TGFBR1: variants seen among roughly 807,000 people sequenced by gnomAD.
The protein encoded by TGFBR1 is transforming growth factor beta receptor 1.
TGFBR1 carries 20 observed loss-of-function variants against 55.1 expected under a neutral mutation model. The ratio of observed to expected loss-of-function variants is 0.36; its 90% CI spans 0.26 to 0.53. TGFBR1 has a LOEUF of 0.53. Among genes scored for constraint, TGFBR1 ranks in the 20% least tolerant of loss-of-function variants. TGFBR1 has a pLI of 0.91. For synonymous variants in TGFBR1, 220 were observed against 214.8 expected (o/e 1.02, Z -0.21); for missense variants, 385 against 617.6 (o/e 0.62, Z 3.99).
chr9:99,111,914 T>C (rs927162658), intron 1 of TGFBR1, among the ~76,000 whole-genome samples: 1 of 152,164 alleles, frequency 6.6e-6, no homozygotes, highest in Non-Finnish European at 1.5e-5. Flanking sequence ...CAGGGACTGC[T>C]TTACAGAGGA....
intron 1 of TGFBR1, among the ~76,000 whole-genome samples, chr9:99,106,697 G>A (rs1361382109): frequency 6.6e-6 from 1 of 152,192 alleles, no homozygotes; most frequent in Admixed American, 6.5e-5. Context: ...AAACCTGTAT[G>A]TCATATATAT....
intron 8 of TGFBR1, 138 bp from the exon 9 acceptor site, chr9:99,149,042 C>A: frequency 1.1e-6 from 1 of 887,228 alleles, no homozygotes; most frequent in Non-Finnish European, 1.7e-6. Flanking sequence ...AATTTCTACT[C>A]ATTTGCTATT....
At chr9:99,134,364 C>T (rs1827354080) in intron 3 of TGFBR1, among the ~76,000 whole-genome samples, 1 of 152,124 alleles carries the variant, frequency 6.6e-6, no homozygotes, top group African/African-American at 2.4e-5. Context: ...AACAGTTGTG[C>T]AAGGAAGACA....
Position 99,113,193 on chromosome 9 carries a change from A to G in TGFBR1, c.97+7891A>G, listed in dbSNP as rs1350717013. ...CTTCAGACAGTGCTGCTTTCTCTGC[A>G]GTAATGCGTTTGATCTTTTGGGAGT... On this transcript the variant is annotated intron_variant, in intron 1 of 8. Coordinates refer to ENST00000374994, the MANE Select transcript of TGFBR1 (RefSeq NM_004612.4). 2.0e-5 allele frequency among the ~76,000 whole-genome samples: 3 copies of G among 152,192 alleles called. No homozygotes were observed. The East Asian group carries it at 5.8e-4, about 29-fold the overall frequency.
At chr9:99,129,254 G>A (rs1333941365) in intron 2 of TGFBR1, among the ~76,000 whole-genome samples, 154 bp downstream of exon 2, 1 of 152,182 alleles carries the variant, frequency 6.6e-6, no homozygotes, top group African/African-American at 2.4e-5. Flanking sequence ...ACTTATAAGA[G>A]TAACCAAGAT....
intron 1 of TGFBR1, among the ~76,000 whole-genome samples, chr9:99,109,930 A>G (rs1826516551): frequency 6.6e-6 from 1 of 152,216 alleles, no homozygotes; most frequent in South Asian, 2.1e-4. Context: ...TTAGGATTAC[A>G]TTTAATGCCA....
chr9:99,106,524 C>T (rs1826419507), intron 1 of TGFBR1, among the ~76,000 whole-genome samples: 1 of 152,190 alleles, frequency 6.6e-6, no homozygotes, highest in Non-Finnish European at 1.5e-5. Flanking sequence ...GATGTAAATG[C>T]ATACACTATT....
At chr9:99,143,136 T>A (rs1827678221) in intron 5 of TGFBR1, among the ~76,000 whole-genome samples, 1 of 152,232 alleles carries the variant, frequency 6.6e-6, no homozygotes, top group East Asian at 1.9e-4. Flanking sequence ...TGAGAACATT[T>A]TATCTTTCAG....
intron 1 of TGFBR1, among the ~76,000 whole-genome samples, chr9:99,105,614 TG>T (rs1390087893): frequency 6.6e-6 from 1 of 151,436 alleles, no homozygotes; most frequent in Non-Finnish European, 1.5e-5. Context: ...GGCTGCCCTC[TG>T]GGGTGTGAGT....
rs531420905 is a variant in TGFBR1, at chr9:99,135,145, G to A, written c.574+2406G>A. 2.0e-5 allele frequency among the ~76,000 whole-genome samples: 3 copies of A among 152,144 alleles called. No homozygotes were observed. In the South Asian group the frequency reaches 6.2e-4, roughly 32 times the overall value. On this transcript the variant is annotated intron_variant, in intron 3 of 8. Coordinates refer to ENST00000374994, the MANE Select transcript of TGFBR1 (RefSeq NM_004612.4). ...TGTTACTCTTATTGAAAACATACTT[G>A]GAGGAAAAATCTAACATACAGTATC...
chr9:99,105,255 T>TGGC lies in TGFBR1; in HGVS notation c.76_78dup (p.Ala26dup), dbSNP rs11466445. ...CGTCCCCGGCTGCTCCTCCTCGTGC[T>TGGC]GGCGGCGGCGGCGGCGGCGGCGGCG... On this transcript the variant is annotated inframe_insertion, in exon 1 of 9. Coordinates refer to ENST00000374994, the MANE Select transcript of TGFBR1 (RefSeq NM_004612.4). The TGGC allele has an allele frequency of 1.3e-3, 1,377 of 1,043,488 alleles. 2 individuals are homozygous for TGGC. Among genetic ancestry groups the TGGC allele is most frequent in the South Asian group, 2.2e-3 (49 of 22,672 alleles). The allele number at this position is 1,043,488 out of a possible 1,614,324, so 64.6% of individuals were successfully genotyped here.
chr9:99,133,222 T>C (rs1827302601), intron 3 of TGFBR1, among the ~76,000 whole-genome samples: 1 of 152,208 alleles, frequency 6.6e-6, no homozygotes, highest in African/African-American at 2.4e-5. Context: ...TATGAAATTG[T>C]CTTTCGTATA....
chr9:99,134,844 AT>A (rs1827382493), intron 3 of TGFBR1, among the ~76,000 whole-genome samples: 1 of 101,166 alleles, frequency 9.9e-6, no homozygotes, highest in Non-Finnish European at 2.1e-5. Flanking sequence ...ATATATATAT[AT>A]ATATATATTT....
At position 99,140,731 on chromosome 9, in the gene TGFBR1, A is replaced by G. The variant is rs762933621; in HGVS notation, c.806-1805A>G. Among the ~76,000 whole-genome samples, 4 of 152,248 alleles carry G rather than the reference A, an allele frequency of 2.6e-5. No homozygotes were observed. In the East Asian group the frequency reaches 7.7e-4, roughly 29 times the overall value. ...AAGTGGTAATTTCTTCCTTAAGAAC[A>G]TAGCCACATTCATGGTTTCAAACTC... On this transcript the variant is annotated intron_variant, in intron 4 of 8. Coordinates refer to ENST00000374994, the MANE Select transcript of TGFBR1 (RefSeq NM_004612.4).
intron 1 of TGFBR1, among the ~76,000 whole-genome samples, chr9:99,120,551 G>A (rs772618362): frequency 2.0e-5 from 3 of 152,142 alleles, no homozygotes; most frequent in Non-Finnish European, 2.9e-5. Context: ...TTAGTAGTAG[G>A]ACCATTCCCT....
intron 2 of TGFBR1, among the ~76,000 whole-genome samples, chr9:99,131,179 A>G (rs537427370): frequency 5.5e-4 from 84 of 152,312 alleles, no homozygotes; most frequent in African/African-American, 2.0e-3. Flanking sequence ...TAAGCATTTA[A>G]CACACATAAA....
chr9:99,110,043 T>G (rs1199432934), intron 1 of TGFBR1, among the ~76,000 whole-genome samples: 2 of 152,216 alleles, frequency 1.3e-5, no homozygotes, highest in Non-Finnish European at 2.9e-5. Flanking sequence ...TTTGTTTGCT[T>G]TCCAGGTAAG....
At chr9:99,127,367 C>T (rs142287643) in intron 1 of TGFBR1, among the ~76,000 whole-genome samples, 1 of 152,334 alleles carries the variant, frequency 6.6e-6, no homozygotes, top group Non-Finnish European at 1.5e-5. Flanking sequence ...TTCAGCCCCT[C>T]AGACTTCTCC....
chr9:99,135,664 A>G (rs1308810606), intron 3 of TGFBR1, among the ~76,000 whole-genome samples: 1 of 152,122 alleles, frequency 6.6e-6, no homozygotes, highest in African/African-American at 2.4e-5. Flanking sequence ...TGTGCAGCTT[A>G]TGAGCTCTTG....
Sources: allele counts gnomAD v4.1 joint callset (sites outside exome capture counted in the v4.1 genomes callset), GRCh38; gene constraint gnomAD v4.1.1; transcripts MANE v1.5; gene names NCBI Gene and HGNC (gene_info 2026-07-23, HGNC 2026-07-21).